Variants in COL16A1 observed in about 807,000 individuals in gnomAD.
COL16A1 encodes collagen type XVI alpha 1 chain.
COL16A1 carries 189 observed loss-of-function variants against 266.3 expected under a neutral mutation model. The observed-to-expected ratio is 0.71, with a 90% CI of 0.63 to 0.80. COL16A1 has a LOEUF of 0.80. Among genes scored for constraint, COL16A1 ranks in the 30% least tolerant of loss-of-function variants. The pLI is 0.00. For synonymous variants in COL16A1, 740 were observed against 782.3 expected, an observed-to-expected ratio of 0.95 and a Z score of 0.90; for missense variants, 1,928 against 2,122.4, an observed-to-expected ratio of 0.91 and a Z score of 1.80.
At position 31,683,987 on chromosome 1, in the gene COL16A1, G is replaced by A; in HGVS notation, c.2300C>T (p.Pro767Leu). The change falls in exon 33 of 71, where the codon CCA (proline) becomes CTA (leucine). Residue 767 changes from proline to leucine, a missense_variant. Pro to Leu is a moderately conservative substitution (Grantham distance 98). Transcript: ENST00000373672. ...RPGKPGQPGL[P>L]GVQGPPGLKG... ...CAGTCCTGGGGGCCCTTGAACTCCT[G>A]GTAGACCGGGTTGGCCCTAAAAGGC... The A allele has an allele frequency of 6.2e-7, 1 of 1,614,198 alleles. No individual in the cohort carries two copies.
Position 31,664,606 on chromosome 1 carries a change from A to G in COL16A1, c.3555+566T>C, listed in dbSNP as rs933395983. Among the ~76,000 whole-genome samples the G allele has an allele frequency of 9.9e-5, 15 of 152,164 alleles. No individual in the cohort carries two copies. The highest frequency in any genetic ancestry group is 3.2e-3 in the Middle Eastern group (1 of 316). On this transcript the variant is annotated intron_variant, in intron 56 of 70. Transcript: ENST00000373672. The surrounding 1 kb of genome is among the most constrained non-coding windows in gnomAD (Gnocchi z 5.5). ...CCATGTCTCCAGCATTTATCAAGCC[A>G]AAGTCAAGAGCAGCCAGCATAGGAG... is the stretch of plus-strand genomic sequence containing the variant.
chr1:31,691,914 A>C, intron 17 of COL16A1, 91 bp downstream of exon 17: 1 of 1,584,610 alleles, frequency 6.3e-7, no homozygotes, highest in Non-Finnish European at 8.6e-7. Context: ...TGTCTGAGCA[A>C]GGGGAGGGGG....
Position 31,702,140 on chromosome 1 carries a change from G to T in COL16A1, c.54C>A (p.Phe18Leu), listed in dbSNP as rs200253093. The change falls in exon 2 of 71, where the codon TTC becomes TTA. Residue 18 changes from phenylalanine (F) to leucine (L), a missense_variant. Phe to Leu is a conservative substitution (Grantham distance 22, BLOSUM62 0). This residue lies in a region of COL16A1 where 1,552 missense variants were observed against 1,637.2 expected (regional missense o/e 0.95). Coordinates refer to ENST00000373672, the MANE Select transcript of COL16A1 (RefSeq NM_001856.4). The part of the protein sequence containing the change: ...GLWLLGLWAT[F>L]GHGANTGAQC... ...TCTCACCTGTATTTGCCCCATGGCC[G>T]AAGGTAGCCCAAAGACCGAGCAGCC... is the stretch of plus-strand genomic sequence containing the variant. The T allele has an allele frequency of 6.2e-7, 1 of 1,614,186 alleles. No homozygotes were observed. The highest frequency in any genetic ancestry group is 8.5e-7 in the Non-Finnish European group (1 of 1,180,004).
chr1:31,653,798 C>A (rs373492908), intron 69 of COL16A1, 69 bp downstream of exon 69: 1 of 1,574,242 alleles, frequency 6.4e-7, no homozygotes, highest in Non-Finnish European at 8.6e-7. Flanking sequence ...TCACAACAGA[C>A]CTCATGGAAT....
Position 31,668,996 on chromosome 1 carries a change from G to C in COL16A1, c.3196-141C>G. On this transcript the variant is annotated intron_variant, in intron 49 of 70. Coordinates refer to ENST00000373672, the MANE Select transcript of COL16A1 (RefSeq NM_001856.4). This position sits in a 1 kb window ranked among gnomAD's most constrained non-coding sequence, Gnocchi z 5.8. ...AGTGGCTCTCGTAGTGTCCCTAGAA[G>C]GTGACCCGTAATGGGTGTGCTCCAG... 1 of 712,352 alleles carries C rather than the reference G, an allele frequency of 1.4e-6. No individual in the cohort carries two copies. Among genetic ancestry groups the C allele is most frequent in the Non-Finnish European group, 2.3e-6 (1 of 433,926 alleles). 44.1% of individuals were successfully genotyped at this position (712,352 alleles called of 1,614,324 possible). A position where few individuals can be genotyped will look rare whatever the true frequency, so the allele number is the denominator to read the frequency against.
intron 11 of COL16A1, among the ~76,000 whole-genome samples, chr1:31,694,704 C>G (rs940506506): frequency 3.9e-5 from 6 of 152,182 alleles, no homozygotes; most frequent in Admixed American, 1.3e-4. Context: ...TCACACTGAG[C>G]CCCTCTCCTT....
At chr1:31,702,933 G>T (rs984535183) in intron 1 of COL16A1, among the ~76,000 whole-genome samples, 2 of 152,146 alleles carry the variant, frequency 1.3e-5, no homozygotes, top group Admixed American at 6.5e-5. Context: ...GATGGGCCCA[G>T]ATAAATCGAT....
At chr1:31,678,838 G>A (rs1167463411) in intron 42 of COL16A1, among the ~76,000 whole-genome samples, 1 of 152,194 alleles carries the variant, frequency 6.6e-6, no homozygotes, top group African/African-American at 2.4e-5. Flanking sequence ...GCAGAGCCGG[G>A]ATTCAAGTTC....
rs373216293 is a variant in COL16A1, at chr1:31,668,859, G to A, written c.3196-4C>T. ...GACCTCGCTCTCCTTGAAGGCCCTT[G>A]GAGAGAAAAATCATGAGAAACTGCA... On this transcript the variant is annotated splice_region_variant and splice_polypyrimidine_tract_variant and intron_variant, in intron 49 of 70. Coordinates refer to ENST00000373672, the MANE Select transcript of COL16A1 (RefSeq NM_001856.4). The surrounding 1 kb of genome is among the most constrained non-coding windows in gnomAD (Gnocchi z 5.8). The A allele has an allele frequency of 1.9e-6, 3 of 1,613,064 alleles. No homozygotes were observed. Among genetic ancestry groups the A allele is most frequent in the African/African-American group, 2.7e-5 (2 of 74,796 alleles).
chr1:31,686,031 A>T lies in COL16A1; in HGVS notation c.1884+60T>A. Reference sequence around the variant, plus strand: ...CCCAGAGGGTTCGAAGTCGAGCAAGACGAGTGTCTATCTAGGAAGCTCACC... The same window carrying T: ...CCCAGAGGGTTCGAAGTCGAGCAAGTCGAGTGTCTATCTAGGAAGCTCACC... On this transcript the variant is annotated intron_variant, in intron 28 of 70. Coordinates refer to ENST00000373672, the MANE Select transcript of COL16A1 (RefSeq NM_001856.4). The T allele has an allele frequency of 3.7e-6, 6 of 1,604,004 alleles. No homozygotes were observed. The Admixed American group carries it at 1.0e-4, about 27-fold the overall frequency.
chr1:31,702,480 A>T (rs1002062100), intron 1 of COL16A1, among the ~76,000 whole-genome samples: 3 of 152,210 alleles, frequency 2.0e-5, no homozygotes, highest in South Asian at 4.1e-4. Context: ...AAAGCTGCCT[A>T]CTGCACTGAA....
At chr1:31,686,027 C>A in intron 28 of COL16A1, 64 bp downstream of exon 28, 2 of 1,600,112 alleles carry the variant, frequency 1.2e-6, no homozygotes. Context: ...CGAAGTCGAG[C>A]AAGACGAGTG....
intron 42 of COL16A1, among the ~76,000 whole-genome samples, chr1:31,676,345 A>T (rs942623627): frequency 6.0e-5 from 9 of 149,986 alleles, no homozygotes; most frequent in Non-Finnish European, 8.9e-5. Context: ...AAAAAAAAGA[A>T]CCCAGAGGAG....
intron 37 of COL16A1, 24 bp from the exon 38 acceptor site, chr1:31,681,091 A>G: frequency 1.2e-6 from 2 of 1,604,704 alleles, no homozygotes; most frequent in Non-Finnish European, 1.7e-6. Flanking sequence ...GCCCAGAGTC[A>G]GAGGGTGAGA....
rs1005420734 is a variant in COL16A1 at position 31,696,812 on chromosome 1, G to T, written c.864+151C>A. On this transcript the variant is annotated intron_variant, in intron 8 of 70. Coordinates refer to ENST00000373672, the MANE Select transcript of COL16A1 (RefSeq NM_001856.4). The stretch of plus-strand genomic sequence containing the variant: ...TGTCTCTGCCTCCCTGAATCATTTA[G>T]GGGTGGCGTACAAATAGGGAGGGCT... The T allele has an allele frequency of 6.2e-6, 8 of 1,298,190 alleles. No individual in the cohort carries two copies. In the African/African-American group the frequency reaches 1.2e-4, roughly 19 times the overall value. The allele number at this position is 1,298,190 out of a possible 1,614,324, so 80.4% of individuals were successfully genotyped here.
Position 31,670,485 on chromosome 1 carries a change from AG to A in COL16A1, c.3195+116del. The A allele has an allele frequency of 8.0e-7, 1 of 1,253,930 alleles. No individual in the cohort carries two copies. The highest frequency in any genetic ancestry group is 1.0e-6 in the Non-Finnish European group (1 of 976,258). 77.7% of individuals were successfully genotyped at this position (1,253,930 alleles called of 1,614,324 possible). A position where few individuals can be genotyped will look rare whatever the true frequency, so the allele number is the denominator to read the frequency against. On this transcript the variant is annotated intron_variant, in intron 49 of 70. Coordinates refer to ENST00000373672, the MANE Select transcript of COL16A1 (RefSeq NM_001856.4). This position sits in a 1 kb window ranked among gnomAD's most constrained non-coding sequence, Gnocchi z 4.5. ...CCGTGTCGTTAGCTACCGTGCCTGA[AG>A]GGGGACAACAAACACGGAGGACGGA...
At chr1:31,699,140 A>G (rs112748338) in intron 4 of COL16A1, among the ~76,000 whole-genome samples, 4,327 of 151,898 alleles carry the variant, frequency 0.028, 222 homozygotes, top group African/African-American at 0.099. Context: ...CAAACAAAAA[A>G]CCCACATACA....
In COL16A1 at chr1:31,656,761, G is replaced by C; in HGVS notation, c.4056+272C>G. On this transcript the variant is annotated intron_variant, in intron 65 of 70. Coordinates refer to ENST00000373672, the MANE Select transcript of COL16A1 (RefSeq NM_001856.4). This position sits in a 1 kb window ranked among gnomAD's most constrained non-coding sequence, Gnocchi z 4.2. Reference sequence around the variant, plus strand: ...CTGGTACCCAGGAGATGTTTGTTTGGAATTTATTATTATCATTATTATTGT... The same window carrying C: ...CTGGTACCCAGGAGATGTTTGTTTGCAATTTATTATTATCATTATTATTGT... 1 of 564,628 alleles carries C rather than the reference G, an allele frequency of 1.8e-6. No homozygotes were observed. Among genetic ancestry groups the C allele is most frequent in the South Asian group, 2.6e-5 (1 of 38,648 alleles). 35.0% of individuals were successfully genotyped at this position (564,628 alleles called of 1,614,324 possible).
chr1:31,679,679 G>C lies in COL16A1; in HGVS notation c.2725C>G (p.Pro909Ala), dbSNP rs772204084. ...SSWQPGPQGP[P>A]GIPGPPGPPG... Reference sequence around the variant, plus strand: ...GGGCCTGGTGGTCCGGGAATACCTGGTGGACCCTGAGGGAGAGAGAAAAGA... The same window carrying C: ...GGGCCTGGTGGTCCGGGAATACCTGCTGGACCCTGAGGGAGAGAGAAAAGA... The change falls in exon 42 of 71, where the codon CCA becomes GCA. Residue 909 changes from proline (P) to alanine (A), a missense_variant. By Grantham distance (27) the Pro-to-Ala change is conservative. This residue lies in a region of COL16A1 where 1,552 missense variants were observed against 1,637.2 expected (regional missense o/e 0.95). Coordinates refer to ENST00000373672, the MANE Select transcript of COL16A1 (RefSeq NM_001856.4). 3 of 1,614,110 alleles carry C rather than the reference G, an allele frequency of 1.9e-6. No homozygotes were observed. Among genetic ancestry groups the C allele is most frequent in the Non-Finnish European group, 2.5e-6 (3 of 1,180,018 alleles).
Sources: allele counts gnomAD v4.1 joint callset (sites outside exome capture counted in the v4.1 genomes callset), GRCh38; gene constraint gnomAD v4.1.1; regional missense constraint gnomAD v4.1.1; non-coding constraint Gnocchi (gnomAD v3.1); transcripts MANE v1.5; gene names NCBI Gene and HGNC (gene_info 2026-07-23, HGNC 2026-07-21).